The following DCDC2B variants were observed in gnomAD, a reference collection of about 807,000 sequenced individuals.
DCDC2B encodes the protein doublecortin domain containing 2B.
Under a neutral mutation model 38.9 loss-of-function variants are expected in DCDC2B, and 41 were observed. The observed-to-expected ratio is 1.05, with a 90% CI of 0.82 to 1.37. The LOEUF (loss-of-function observed/expected upper bound fraction) is 1.37. Ranked by LOEUF, DCDC2B falls within the 40% of genes most tolerant of loss-of-function variation. The pLI is 0.00. For missense variants in DCDC2B, 453 were observed against 427.2 expected (o/e 1.06, Z -0.53); for synonymous variants, 181 against 171.9 (o/e 1.05, Z -0.41).
chr1:32,211,632 T>C (rs1016965562), intron 2 of DCDC2B, 129 bp from the exon 3 acceptor site: 2 of 885,438 alleles, frequency 2.3e-6, no homozygotes, highest in Admixed American at 2.3e-5. Flanking sequence ...AGGTGTAAAC[T>C]GTCTTACTCC....
At chr1:32,211,462 T>C in intron 2 of DCDC2B, 139 bp downstream of exon 2, 2 of 854,918 alleles carry the variant, frequency 2.3e-6, no homozygotes, top group Non-Finnish European at 3.6e-6. Flanking sequence ...GCTACTATCT[T>C]TCCTGGGGCG....
In DCDC2B at chr1:32,212,541, T is replaced by G. The variant is rs1643630959; in HGVS notation, c.579T>G (p.Thr193=). ...LPLSAGKELV[T]GHYYVAVGED... Reference sequence around the variant, plus strand: ...TGTCAGCAGGGAAGGAGCTGGTAACTGGCCATTACTATGTGGCTGTCGGAG... The same window carrying G: ...TGTCAGCAGGGAAGGAGCTGGTAACGGGCCATTACTATGTGGCTGTCGGAG... The change falls in exon 5 of 9, where the codon ACT becomes ACG. Residue 193 remains threonine, a synonymous_variant. Coordinates refer to ENST00000409358, the MANE Select transcript of DCDC2B (RefSeq NM_001099434.2). The G allele has an allele frequency of 1.9e-6, 3 of 1,613,916 alleles. No homozygotes were observed. In the Admixed American group the frequency reaches 5.0e-5, roughly 27 times the overall value.
At chr1:32,214,694 C>A in intron 6 of DCDC2B, 103 bp from the exon 7 acceptor site, 1 of 1,514,002 alleles carries the variant, frequency 6.6e-7, no homozygotes. Flanking sequence ...TCTCCTCTGC[C>A]ATGTTCCTGC....
chr1:32,212,899 CT>C, intron 6 of DCDC2B, 106 bp downstream of exon 6: 1 of 1,366,692 alleles, frequency 7.3e-7, no homozygotes. Flanking sequence ...TCTCTTTTTT[CT>C]TTTTCTTTGA....
At position 32,212,623 on chromosome 1, in the gene DCDC2B, C is replaced by T. The variant is rs1295612086; in HGVS notation, c.661C>T (p.Pro221Ser). The T allele has an allele frequency of 6.2e-7, 1 of 1,614,002 alleles. No individual in the cohort carries two copies. The highest frequency in any genetic ancestry group is 1.1e-5 in the South Asian group (1 of 91,076). ...LELLVPSPSLPRGCWQPPGSK... is the reference protein window; with the variant it reads ...LELLVPSPSLSRGCWQPPGSK... The stretch of plus-strand genomic sequence containing the variant: ...GCTGCTGGTGCCCAGCCCCTCCCTG[C>T]CCAGGGGCTGCTGGTATGTATGTGG... Residue 221 changes from proline to serine, a missense_variant, in exon 5 of 9, where the codon CCC (proline) becomes TCC (serine). Pro to Ser is a moderately conservative substitution (Grantham distance 74, BLOSUM62 -1). Coordinates refer to ENST00000409358, the MANE Select transcript of DCDC2B (RefSeq NM_001099434.2).
intron 4 of DCDC2B, 49 bp from the exon 5 acceptor site, chr1:32,212,441 A>C: frequency 6.2e-7 from 1 of 1,603,458 alleles, no homozygotes; most frequent in Non-Finnish European, 8.5e-7. Context: ...CTGAATGTGA[A>C]GAAGCATCGA....
Position 32,211,370 on chromosome 1 carries a change from C to T in DCDC2B, c.318+47C>T, listed in dbSNP as rs377409613. The stretch of plus-strand genomic sequence containing the variant: ...CCCCAGCCCCTCTGTCTTCCCACTC[C>T]TCCTGGAACTGCCCCCAATTTGGTC... On this transcript the variant is annotated intron_variant, in intron 2 of 8. Coordinates refer to ENST00000409358, the MANE Select transcript of DCDC2B (RefSeq NM_001099434.2). 22 of 1,600,794 alleles carry T rather than the reference C, an allele frequency of 1.4e-5. No homozygotes were observed. In the African/African-American group the frequency reaches 2.7e-4, roughly 20 times the overall value.
chr1:32,215,643 T>C (rs1235594263), intron 8 of DCDC2B, 100 bp downstream of exon 8: 1 of 1,206,130 alleles, frequency 8.3e-7, no homozygotes, highest in East Asian at 2.5e-5. Flanking sequence ...TCCCTTGTGA[T>C]TGAAAGTAAA....
intron 8 of DCDC2B, 23 bp from the exon 9 acceptor site, chr1:32,215,779 G>A (rs940213630): frequency 1.1e-5 from 17 of 1,535,032 alleles, no homozygotes; most frequent in Non-Finnish European, 1.4e-5. Context: ...GCTCCATTCT[G>A]TATGGCCTTC....
chr1:32,214,633 G>T, intron 6 of DCDC2B, 164 bp from the exon 7 acceptor site: 1 of 960,828 alleles, frequency 1.0e-6, no homozygotes, highest in Non-Finnish European at 1.5e-6. Context: ...AGTCAGGCTG[G>T]TGGGAAGAGG....
Position 32,212,529 on chromosome 1 carries a change from G to A in DCDC2B, c.567G>A (p.Lys189=), listed in dbSNP as rs974253091. The change falls in exon 5 of 9, where the codon AAG becomes AAA. Residue 189 remains lysine, a synonymous_variant. Coordinates refer to ENST00000409358, the MANE Select transcript of DCDC2B (RefSeq NM_001099434.2). ...AGGGGCTCCCACTGTCAGCAGGGAA[G>A]GAGCTGGTAACTGGCCATTACTATG... The part of the protein sequence containing the change: ...TLEGLPLSAG[K]ELVTGHYYVA... 9 of 1,614,068 alleles carry A rather than the reference G, an allele frequency of 5.6e-6. 1 individual carries two copies. The highest frequency in any genetic ancestry group is 1.6e-4 in the Middle Eastern group (1 of 6,062).
chr1:32,214,833 C>T lies in DCDC2B; in HGVS notation c.751C>T (p.Pro251Ser). ...CAGGGCCCAGGTAACCCAGCCCTCT[C>T]CAAAGGAACCAGACCGAATTAAGCC... ...GHRAQVTQPS[P>S]KEPDRIKPSA... Residue 251 changes from proline to serine, a missense_variant, in exon 7 of 9, where the codon CCA becomes TCA. Pro to Ser is a moderately conservative substitution (Grantham distance 74, BLOSUM62 -1). Coordinates refer to ENST00000409358, the MANE Select transcript of DCDC2B (RefSeq NM_001099434.2). The T allele has an allele frequency of 6.2e-7, 1 of 1,613,956 alleles. No individual in the cohort carries two copies. Among genetic ancestry groups the T allele is most frequent in the Non-Finnish European group, 8.5e-7 (1 of 1,179,890 alleles).
At chr1:32,209,476 G>T (rs1370928915) in intron 1 of DCDC2B, 117 bp downstream of exon 1, 32 of 1,433,008 alleles carry the variant, frequency 2.2e-5, no homozygotes, top group Non-Finnish European at 1.9e-6. Flanking sequence ...ACTCTATGTA[G>T]GGGGGGTGGT....
intron 6 of DCDC2B, among the ~76,000 whole-genome samples, chr1:32,214,312 CAAAAAAAAAAAAA>C (rs58837364): frequency 5.8e-5 from 3 of 51,956 alleles, no homozygotes; most frequent in Admixed American, 3.4e-4. Context: ...ACTCAAGTCT[CAAAAAAAAAAAAA>C]AAAAAAAAAA....
Position 32,209,347 on chromosome 1 carries a change from T to A in DCDC2B, c.254T>A (p.Phe85Tyr). ...GQYVAAGFER[F>Y]HKLHYLPHRG... The stretch of plus-strand genomic sequence containing the variant: ...TATGTGGCCGCTGGATTTGAACGAT[T>A]CCACAAGCTCCAGTGAGTGGGCTGG... Residue 85 changes from phenylalanine (F) to tyrosine (Y), a missense_variant, in exon 1 of 9, where the codon TTC (phenylalanine) becomes TAC (tyrosine). Transcript: ENST00000409358. 6.2e-7 allele frequency: 1 copy of A among 1,613,842 alleles called. No homozygotes were observed. The highest frequency in any genetic ancestry group is 1.6e-4 in the Middle Eastern group (1 of 6,062).
intron 6 of DCDC2B, 49 bp from the exon 7 acceptor site, chr1:32,214,748 G>A (rs1638248198): frequency 1.2e-6 from 2 of 1,609,578 alleles, no homozygotes; most frequent in South Asian, 1.1e-5. Flanking sequence ...GAGTAGGAAA[G>A]GTAAGAATGG....
intron 7 of DCDC2B, 121 bp downstream of exon 7, chr1:32,215,053 GAAA>G (rs75232351): frequency 4.6e-4 from 480 of 1,048,652 alleles, no homozygotes; most frequent in Admixed American, 8.6e-4. Context: ...GCCGGCACTG[GAAA>G]AAAAAAAAAA....
rs1638255937 is a variant in DCDC2B, at chr1:32,214,923, T to A, written c.841T>A (p.Phe281Ile). ...AAGAAGCAAGCTCCCCACACTCTCA[T>A]TCCCATCAGGTGAGGGGTCCCTGGG... ...QPRSKLPTLS[F>I]PSGVIGVYGA... Residue 281 changes from phenylalanine to isoleucine, a missense_variant, in exon 7 of 9, where the codon TTC (phenylalanine) becomes ATC (isoleucine). Transcript: ENST00000409358. 1 of 1,613,772 alleles carries A rather than the reference T, an allele frequency of 6.2e-7. No homozygotes were observed. The highest frequency in any genetic ancestry group is 8.5e-7 in the Non-Finnish European group (1 of 1,179,854).
chr1:32,213,262 G>A (rs960846949), intron 6 of DCDC2B, among the ~76,000 whole-genome samples: 1 of 151,914 alleles, frequency 6.6e-6, no homozygotes. Flanking sequence ...GAACTCCTGG[G>A]CTCAAGCAAT....
Sources: gnomAD v4.1 joint callset for allele counts (sites outside exome capture counted in the v4.1 genomes callset) on GRCh38, gnomAD v4.1.1 for gene constraint, MANE v1.5 for transcripts, NCBI Gene and HGNC (gene_info 2026-07-23, HGNC 2026-07-21) for gene names.